The following PCDH9 variants were observed in gnomAD, a reference collection of about 807,000 sequenced individuals.
PCDH9 encodes protocadherin-9.
A neutral mutation model predicts 70.6 loss-of-function variants in PCDH9; 24 were observed. That is an observed-to-expected ratio of 0.34 (90% confidence interval 0.25 to 0.48). The LOEUF is 0.48. Among genes scored for constraint, PCDH9 ranks in the 20% least tolerant of loss-of-function variants. PCDH9 has a pLI of 0.99. For missense variants in PCDH9, 1,281 were observed against 1,503.6 expected, an observed-to-expected ratio of 0.85 and a Z score of 2.45; for synonymous variants, 562 against 558.5, an observed-to-expected ratio of 1.01 and a Z score of -0.09.
At chr13:66,784,343 T>C (rs1318082206) in intron 3 of PCDH9, among the ~76,000 whole-genome samples, 1 of 152,134 alleles carries the variant, frequency 6.6e-6, no homozygotes, top group Non-Finnish European at 1.5e-5. Flanking sequence ...CCTTCCTTTG[T>C]GCTTTAGCTA....
chr13:66,330,286 G>C (rs565706492), intron 4 of PCDH9, among the ~76,000 whole-genome samples: 1 of 152,214 alleles, frequency 6.6e-6, no homozygotes, highest in Non-Finnish European at 1.5e-5. Flanking sequence ...ATTGCTCATA[G>C]GGTCCATTTT....
rs546102477 is a variant in PCDH9 at position 66,870,157 on chromosome 13, C to A, written c.3138+33347G>T. ...CCTACATATGGCTAGCCAGTTTTCC[C>A]AGCACCATTTATTAAATGGGGAATC... is the stretch of plus-strand genomic sequence containing the variant. On this transcript the variant is annotated intron_variant, in intron 3 of 4. Transcript: ENST00000377865. Among the ~76,000 whole-genome samples, 543 of 152,192 alleles carry A rather than the reference C, an allele frequency of 3.6e-3. 6 individuals are homozygous for A. The highest frequency in any genetic ancestry group is 0.013 in the African/African-American group (525 of 41,536).
chr13:66,789,760 C>T (rs535767792), intron 3 of PCDH9, among the ~76,000 whole-genome samples: 10 of 152,236 alleles, frequency 6.6e-5, no homozygotes, highest in Non-Finnish European at 7.4e-5. Context: ...TGTACAATAT[C>T]TGGCATTGTG....
At chr13:66,923,266 T>C (rs2139647124) in intron 2 of PCDH9, among the ~76,000 whole-genome samples, 1 of 151,680 alleles carries the variant, frequency 6.6e-6, no homozygotes, top group Non-Finnish European at 1.5e-5. Context: ...GACACACATT[T>C]CATAGCTAAT....
intron 3 of PCDH9, among the ~76,000 whole-genome samples, chr13:66,870,187 C>T (rs2081650217): frequency 6.6e-6 from 1 of 152,096 alleles, no homozygotes; most frequent in Admixed American, 6.6e-5. Context: ...GGAATCCTTT[C>T]CCCATTGCTT....
chr13:67,107,278 T>C (rs2086566103), intron 2 of PCDH9, among the ~76,000 whole-genome samples: 1 of 150,306 alleles, frequency 6.7e-6, no homozygotes, highest in African/African-American at 2.4e-5. Context: ...AGCCGAAGCA[T>C]GGGGGCCGGG....
chr13:66,937,642 T>G (rs560868040), intron 2 of PCDH9, among the ~76,000 whole-genome samples: 22 of 152,312 alleles, frequency 1.4e-4, no homozygotes, highest in African/African-American at 5.3e-4. Context: ...GTGGAAAACC[T>G]AACTTAGTAG....
Position 67,040,191 on chromosome 13 carries a change from G to A in PCDH9, c.3037-136586C>T, listed in dbSNP as rs145292150. Among the ~76,000 whole-genome samples, 459 of 152,254 alleles carry A rather than the reference G, an allele frequency of 3.0e-3. 6 individuals are homozygous for A. Among genetic ancestry groups the A allele is most frequent in the African/African-American group, 0.01 (430 of 41,548 alleles). On this transcript the variant is annotated intron_variant, in intron 2 of 4. Coordinates refer to ENST00000377865, the MANE Select transcript of PCDH9 (RefSeq NM_203487.3). ...TCAGTATTATGGATGGAATGTTTAT[G>A]TCCCCCCAGACGTTATATGTTGAAA... is the stretch of plus-strand genomic sequence containing the variant.
chr13:66,563,503 A>T (rs1327021714), intron 4 of PCDH9, among the ~76,000 whole-genome samples: 2 of 152,142 alleles, frequency 1.3e-5, no homozygotes, highest in Non-Finnish European at 2.9e-5. Flanking sequence ...CCCTGCTTTA[A>T]ACTTCACAAT....
chr13:67,200,677 C>T (rs1467592916), intron 2 of PCDH9, among the ~76,000 whole-genome samples: 1 of 152,062 alleles, frequency 6.6e-6, no homozygotes, highest in East Asian at 1.9e-4. Context: ...CACGTCACCT[C>T]CTTGTAACTG....
At chr13:66,635,186 C>T (rs2077621552) in intron 3 of PCDH9, among the ~76,000 whole-genome samples, 2 of 152,110 alleles carry the variant, frequency 1.3e-5, no homozygotes, top group African/African-American at 4.8e-5. Flanking sequence ...TGGGCAGTTA[C>T]ATTTTGTTTT....
intron 2 of PCDH9, among the ~76,000 whole-genome samples, chr13:67,150,679 C>G (rs1170326211): frequency 1.3e-5 from 2 of 152,086 alleles, no homozygotes; most frequent in African/African-American, 2.4e-5. Context: ...TTCTAAATAA[C>G]TAGAAAACCA....
intron 3 of PCDH9, among the ~76,000 whole-genome samples, chr13:66,844,122 A>G (rs1006627035): frequency 5.9e-5 from 9 of 152,290 alleles, no homozygotes; most frequent in African/African-American, 1.9e-4. Flanking sequence ...TAATTTAGAG[A>G]GGAAACCCTA....
chr13:66,898,447 G>T (rs899581375), intron 3 of PCDH9, among the ~76,000 whole-genome samples: 8 of 151,876 alleles, frequency 5.3e-5, no homozygotes, highest in African/African-American at 1.9e-4. Flanking sequence ...ATTGCTAAAT[G>T]ATTTACCTAA....
chr13:66,723,721 G>C (rs779916696), intron 3 of PCDH9, among the ~76,000 whole-genome samples: 1 of 152,158 alleles, frequency 6.6e-6, no homozygotes, highest in Admixed American at 6.5e-5. Context: ...AGAAGCAAAA[G>C]AGAAGGGGTA....
At chr13:66,852,909 AAT>A (rs1467673789) in intron 3 of PCDH9, among the ~76,000 whole-genome samples, 4 of 149,764 alleles carry the variant, frequency 2.7e-5, no homozygotes, top group African/African-American at 1.0e-4. Context: ...TTTTTTTAAC[AAT>A]AGAGTCCTTA....
chr13:67,137,127 A>AT (rs1484243836), intron 2 of PCDH9, among the ~76,000 whole-genome samples: 3 of 151,806 alleles, frequency 2.0e-5, no homozygotes, highest in Non-Finnish European at 4.4e-5. Context: ...TATAATAATA[A>AT]AAAAAAAGAA....
In PCDH9 at chr13:67,226,625, C is replaced by T. The variant is rs765148376; in HGVS notation, c.1816G>A (p.Ala606Thr). The change falls in exon 2 of 5, where the codon GCT (alanine) becomes ACT (threonine). Residue 606 changes from alanine (A) to threonine (T), a missense_variant. Physicochemically the swap from Ala to Thr is moderately conservative, Grantham distance 58. Transcript: ENST00000377865. The surrounding 1 kb of genome is among the most constrained non-coding windows in gnomAD (Gnocchi z 5.0). ...TCATTTAGAATGGAAAGAGTCACAG[C>T]TTTATTCTCTCCAGCATCTGCATCT... ...VTDADAGENK[A>T]VTLSILNDND... 8 of 1,614,148 alleles carry T rather than the reference C, an allele frequency of 5.0e-6. No individual in the cohort carries two copies. Among genetic ancestry groups the T allele is most frequent in the Admixed American group, 3.3e-5 (2 of 60,026 alleles).
intron 4 of PCDH9, among the ~76,000 whole-genome samples, chr13:66,542,847 C>T (rs1437144218): frequency 1.4e-5 from 2 of 148,106 alleles, no homozygotes; most frequent in African/African-American, 4.9e-5. Context: ...CTGTGGAGAA[C>T]CCTATACAAC....
Sources: gnomAD v4.1 joint callset for allele counts (sites outside exome capture counted in the v4.1 genomes callset) on GRCh38, gnomAD v4.1.1 for gene constraint, Gnocchi (gnomAD v3.1) non-coding constraint, MANE v1.5 for transcripts, NCBI Gene and HGNC (gene_info 2026-07-23, HGNC 2026-07-21) for gene names.